Variants in PAOX observed in about 807,000 individuals in gnomAD.
PAOX encodes polyamine oxidase, also known as peroxisomal N(1)-acetyl-spermine/spermidine oxidase.
In PAOX, 38 loss-of-function variants were observed where a neutral mutation model predicts 39.0. The ratio of observed to expected loss-of-function variants is 0.97; its 90% CI spans 0.75 to 1.28. The LOEUF (loss-of-function observed/expected upper bound fraction) is 1.28, where lower values mean the gene tolerates loss of function less well. Among genes scored for constraint, PAOX ranks in the 50% most tolerant of loss-of-function variants. The pLI is 0.00. For synonymous variants in PAOX, 311 were observed against 314.4 expected, an observed-to-expected ratio of 0.99 and a Z score of 0.11; for missense variants, 667 against 685.7, an observed-to-expected ratio of 0.97 and a Z score of 0.30.
rs1564809616 is a variant in PAOX, at chr10:133,380,226, C to G, written c.409C>G (p.Leu137Val). The G allele has an allele frequency of 1.9e-6, 3 of 1,612,790 alleles. No individual in the cohort carries two copies. Among genetic ancestry groups the G allele is most frequent in the Non-Finnish European group, 2.5e-6 (3 of 1,180,028 alleles). Residue 137 changes from leucine to valine, a missense_variant, in exon 2 of 7, where the codon CTG (leucine) becomes GTG (valine). By Grantham distance (32) the Leu-to-Val change is conservative. Transcript: ENST00000278060. ...VAEMATLFYG[L>V]IDQTREFLHA... ...GGAGATGGCGACTCTGTTCTACGGC[C>G]TGATAGACCAGACCCGGGAGTTCCT...
chr10:133,380,778 GA>G (rs1686348077), intron 2 of PAOX, among the ~76,000 whole-genome samples: 1 of 152,218 alleles, frequency 6.6e-6, no homozygotes, highest in Non-Finnish European at 1.5e-5. Flanking sequence ...AGGAGTTCAA[GA>G]ACAGCCTGGC....
chr10:133,380,671 G>A (rs1409862493), intron 2 of PAOX, among the ~76,000 whole-genome samples, 186 bp downstream of exon 2: 1 of 152,228 alleles, frequency 6.6e-6, no homozygotes, highest in Non-Finnish European at 1.5e-5. Context: ...ATTTCTGAGA[G>A]AGAGTGTTTA....
rs1020520059 is a variant in PAOX at position 133,384,995 on chromosome 10, A to G, written c.1121+783A>G. 6.6e-6 allele frequency among the ~76,000 whole-genome samples: 1 copy of G among 152,206 alleles called. No individual in the cohort carries two copies. The highest frequency in any genetic ancestry group is 1.5e-5 in the Non-Finnish European group (1 of 68,044). On this transcript the variant is annotated intron_variant, in intron 4 of 6. Transcript: ENST00000278060. This position sits in a 1 kb window ranked among gnomAD's most constrained non-coding sequence, Gnocchi z 4.3. The stretch of plus-strand genomic sequence containing the variant: ...AAGCCTGTGTGTCTCCTTCACACTG[A>G]AGAGAAAACTGGCATTTCGGCCAGG...
chr10:133,383,876 A>T, intron 3 of PAOX, 84 bp from the exon 4 acceptor site: 1 of 1,485,898 alleles, frequency 6.7e-7, no homozygotes. Flanking sequence ...CAGCAGGGGA[A>T]ATTGCTGGAT....
In PAOX at chr10:133,389,651, C is replaced by T. The variant is rs1456935081; in HGVS notation, c.1296C>T (p.Tyr432=). 3 of 1,613,262 alleles carry T rather than the reference C, an allele frequency of 1.9e-6. No homozygotes were observed. Among genetic ancestry groups the T allele is most frequent in the Admixed American group, 1.7e-5 (1 of 59,998 alleles). Residue 432 remains tyrosine, a synonymous_variant, in exon 6 of 7, where the codon TAC becomes TAT. Coordinates refer to ENST00000278060, the MANE Select transcript of PAOX (RefSeq NM_152911.4). ...GGTCTCGCTGGCACAGCGCCCCGTA[C>T]ACTAGGGGGTCCTACAGCTACGTGG... ...VLRSRWHSAP[Y]TRGSYSYVAV...
intron 4 of PAOX, among the ~76,000 whole-genome samples, chr10:133,387,773 A>T (rs767505532): frequency 1.3e-5 from 2 of 152,040 alleles, no homozygotes; most frequent in African/African-American, 2.4e-5. Context: ...CAGGCTGGAG[A>T]GCAGTGGCGC....
In PAOX at chr10:133,391,434, G is replaced by T; in HGVS notation, c.1515G>T (p.Gln505His). Residue 505 changes from glutamine to histidine, a missense_variant, in exon 7 of 7, where the codon CAG becomes CAT. Gln to His is a conservative substitution (Grantham distance 24, BLOSUM62 0). Coordinates refer to ENST00000278060, the MANE Select transcript of PAOX (RefSeq NM_152911.4). ...TCAGTCTGTGGGCCCCGCAGGTGCAGCAGCCCAGGCCCAGGCTCTAGCTGG... is the reference window on the plus strand; with the variant it reads ...TCAGTCTGTGGGCCCCGCAGGTGCATCAGCCCAGGCCCAGGCTCTAGCTGG... ...RLLSLWAPQVQQPRPRL is the reference protein window; with the variant it reads ...RLLSLWAPQVHQPRPRL 2 of 1,612,528 alleles carry T rather than the reference G, an allele frequency of 1.2e-6. No homozygotes were observed. Among genetic ancestry groups the T allele is most frequent in the Non-Finnish European group, 1.7e-6 (2 of 1,179,880 alleles).
rs1294824930 is a variant in PAOX at position 133,384,342 on chromosome 10, G to A, written c.1121+130G>A. The A allele has an allele frequency of 9.4e-6, 13 of 1,389,088 alleles. No individual in the cohort carries two copies. The highest frequency in any genetic ancestry group is 7.2e-5 in the African/African-American group (5 of 69,072). The allele number at this position is 1,389,088 out of a possible 1,614,324, so 86.0% of individuals were successfully genotyped here. On this transcript the variant is annotated intron_variant, in intron 4 of 6. Coordinates refer to ENST00000278060, the MANE Select transcript of PAOX (RefSeq NM_152911.4). This position sits in a 1 kb window ranked among gnomAD's most constrained non-coding sequence, Gnocchi z 4.3. ...TTTAATGGGTAGGGTTCCCATGAGCGCCCCCCCACCAGGTGCTGGCTGCAC... is the reference window on the plus strand; with the variant it reads ...TTTAATGGGTAGGGTTCCCATGAGCACCCCCCCACCAGGTGCTGGCTGCAC...
intron 4 of PAOX, among the ~76,000 whole-genome samples, chr10:133,387,289 A>AAT (rs765301137): frequency 4.6e-5 from 7 of 152,004 alleles, no homozygotes; most frequent in African/African-American, 1.7e-4. Flanking sequence ...AAAAAAATAA[A>AAT]ATATATATAT....
Position 133,379,430 on chromosome 10 carries a change from C to A in PAOX, c.114C>A (p.Phe38Leu), listed in dbSNP as rs1849286256. The change falls in exon 1 of 7, where the codon TTC becomes TTA. Residue 38 changes from phenylalanine to leucine, a missense_variant. Physicochemically the swap from Phe to Leu is conservative, Grantham distance 22. Transcript: ENST00000278060. ...AGAGGCTCTGCGGCCACTCCGCCTT[C>A]CCGCACCTGCGGGTCCTGGAGGCCA... The part of the protein sequence containing the change: ...AAQRLCGHSA[F>L]PHLRVLEATA... 1 of 1,224,774 alleles carries A rather than the reference C, an allele frequency of 8.2e-7. No homozygotes were observed. Among genetic ancestry groups the A allele is most frequent in the East Asian group, 3.2e-5 (1 of 31,096 alleles). 75.9% of individuals were successfully genotyped at this position (1,224,774 alleles called of 1,614,324 possible).
At chr10:133,380,613 G>T in intron 2 of PAOX, 128 bp downstream of exon 2, 2 of 1,289,884 alleles carry the variant, frequency 1.6e-6, no homozygotes, top group Non-Finnish European at 2.1e-6. Context: ...CATTCCGACA[G>T]ACTGGTTGCT....
Position 133,380,180 on chromosome 10 carries a change from C to T in PAOX, c.363C>T (p.Ser121=), listed in dbSNP as rs527822098. Residue 121 remains serine (S), a synonymous_variant, in exon 2 of 7, where the codon AGC becomes AGT. Transcript: ENST00000278060. ...PSVSYASSGA[S]VSLQLVAEMA... The stretch of plus-strand genomic sequence containing the variant: ...TGAGCTACGCCAGCTCCGGGGCCAG[C>T]GTGAGCCTCCAGCTGGTGGCGGAGA... The T allele has an allele frequency of 1.2e-5, 19 of 1,611,636 alleles. No individual in the cohort carries two copies. The South Asian group carries it at 1.3e-4, about 11-fold the overall frequency.
intron 4 of PAOX, among the ~76,000 whole-genome samples, chr10:133,386,528 GTAA>G (rs2133470844): frequency 6.6e-6 from 1 of 152,134 alleles, no homozygotes; most frequent in Non-Finnish European, 1.5e-5. Flanking sequence ...AGGCTGGAGT[GTAA>G]TAGCTCGATC....
Position 133,379,414 on chromosome 10 carries a change from G to C in PAOX, c.98G>C (p.Cys33Ser), listed in dbSNP as rs1035355303. 3 of 1,223,532 alleles carry C rather than the reference G, an allele frequency of 2.5e-6. 1 individual carries two copies. The South Asian group carries it at 1.2e-4, about 50-fold the overall frequency. 75.8% of individuals were successfully genotyped at this position (1,223,532 alleles called of 1,614,324 possible). A position where few individuals can be genotyped will look rare whatever the true frequency, so the allele number is the denominator to read the frequency against. ...GGGCTGGGCGCGGCGCAGAGGCTCT[G>C]CGGCCACTCCGCCTTCCCGCACCTG... ...IAGLGAAQRL[C>S]GHSAFPHLRV... is the part of the protein sequence containing the mutation. The change falls in exon 1 of 7, where the codon TGC becomes TCC. Residue 33 changes from cysteine (C) to serine (S), a missense_variant. Coordinates refer to ENST00000278060, the MANE Select transcript of PAOX (RefSeq NM_152911.4).
At chr10:133,387,702 G>A (rs570874617) in intron 4 of PAOX, among the ~76,000 whole-genome samples, 23 of 152,306 alleles carry the variant, frequency 1.5e-4, no homozygotes, top group Non-Finnish European at 8.8e-5. Flanking sequence ...TGTTCTATGC[G>A]GATCCCGCTT....
In PAOX at chr10:133,380,235, C is replaced by T; in HGVS notation, c.418C>T (p.Gln140Ter). ...MATLFYGLIDQTREFLHAAET... is the reference protein window; with the variant it reads ...MATLFYGLID ...GACTCTGTTCTACGGCCTGATAGACCAGACCCGGGAGTTCCTGCACGCTGC... is the reference window on the plus strand; with the variant it reads ...GACTCTGTTCTACGGCCTGATAGACTAGACCCGGGAGTTCCTGCACGCTGC... The change falls in exon 2 of 7, where the codon CAG (glutamine) becomes TAG (stop). Residue 140 changes from glutamine to a stop codon, truncating the protein, a stop_gained. Transcript: ENST00000278060. LOFTEE classifies it high-confidence loss of function. 1 of 1,612,870 alleles carries T rather than the reference C, an allele frequency of 6.2e-7. No individual in the cohort carries two copies. Among genetic ancestry groups the T allele is most frequent in the Non-Finnish European group, 8.5e-7 (1 of 1,180,018 alleles).
chr10:133,386,829 C>T (rs1849543087), intron 4 of PAOX, among the ~76,000 whole-genome samples: 1 of 152,156 alleles, frequency 6.6e-6, no homozygotes, highest in African/African-American at 2.4e-5. Context: ...TTTGATACTA[C>T]CTCAAAAGTC....
chr10:133,380,608 C>T (rs1393525224), intron 2 of PAOX, 123 bp downstream of exon 2: 5 of 1,305,712 alleles, frequency 3.8e-6, no homozygotes, highest in East Asian at 2.5e-5. Context: ...CTCCCCATTC[C>T]GACAGACTGG....
intron 4 of PAOX, among the ~76,000 whole-genome samples, chr10:133,388,490 A>G (rs890216108): frequency 7.9e-5 from 12 of 152,234 alleles, no homozygotes; most frequent in African/African-American, 2.7e-4. Context: ...AGCATTTTGT[A>G]ACCCTCATGT....
Sources: allele counts gnomAD v4.1 joint callset (sites outside exome capture counted in the v4.1 genomes callset), GRCh38; gene constraint gnomAD v4.1.1; non-coding constraint Gnocchi (gnomAD v3.1); transcripts MANE v1.5; gene names NCBI Gene and HGNC (gene_info 2026-07-23, HGNC 2026-07-21).